C10orf143: variants seen among roughly 807,000 people sequenced by gnomAD.
C10orf143 encodes the protein uncharacterized protein C10orf143.
chr10:130,089,762 C>G (rs569126217), intron 1 of C10orf143, among the ~76,000 whole-genome samples: 101 of 152,248 alleles, frequency 6.6e-4, no homozygotes, highest in African/African-American at 2.4e-3. Flanking sequence ...TATTTATGGT[C>G]AAATGATCTT....
chr10:130,097,575 G>C (rs547794844), intron 1 of C10orf143, among the ~76,000 whole-genome samples: 10 of 152,238 alleles, frequency 6.6e-5, no homozygotes, highest in Admixed American at 6.5e-4. Context: ...ATAGAAACCA[G>C]CAATTCCAGC....
intron 1 of C10orf143, among the ~76,000 whole-genome samples, chr10:130,109,734 T>C (rs1861726763): frequency 6.6e-6 from 1 of 151,960 alleles, no homozygotes. Flanking sequence ...AGGAAAGAGA[T>C]GGTGCAGGGT....
rs564830541 is a variant in C10orf143 at position 130,104,881 on chromosome 10, A to G, written c.69+5823T>C. On this transcript the variant is annotated intron_variant, in intron 1 of 3. Coordinates refer to ENST00000637128, the MANE Select transcript of C10orf143 (RefSeq NM_001355042.2). ...ACAGCATCACACTTTTCATCATTTT[A>G]TGATAGCCAATTTAGGACTTCATTG... 3.9e-5 allele frequency: 6 copies of G among 152,234 alleles called. No homozygotes were observed. In the East Asian group the frequency reaches 1.2e-3, roughly 29 times the overall value. 9.4% of individuals were successfully genotyped at this position (152,234 alleles called of 1,614,324 possible).
chr10:130,079,196 A>G (rs985771015), intron 3 of C10orf143, among the ~76,000 whole-genome samples: 4 of 152,222 alleles, frequency 2.6e-5, no homozygotes, highest in Non-Finnish European at 5.9e-5. Flanking sequence ...AAAAGCATAA[A>G]CAGGGAAAAG....
In C10orf143 at chr10:130,068,831, T is replaced by C. The variant is rs115372489; in HGVS notation, c.298-4448A>G. On this transcript the variant is annotated intron_variant, in intron 3 of 3. Coordinates refer to ENST00000637128, the MANE Select transcript of C10orf143 (RefSeq NM_001355042.2). ...AAAGAACTAGTGAACACAAAATCAA[T>C]TGAGATTATCCAGTTTGAGGAACAG... Among the ~76,000 whole-genome samples the C allele has an allele frequency of 3.3e-3, 496 of 151,298 alleles. 6 individuals carry two copies. Among genetic ancestry groups the C allele is most frequent in the African/African-American group, 0.011 (471 of 41,206 alleles).
intron 1 of C10orf143, chr10:130,107,485 TCAC>T: frequency 7.1e-7 from 1 of 1,415,790 alleles, no homozygotes; most frequent in East Asian, 2.3e-5. Context: ...AAGAAAATGC[TCAC>T]AACAGACAAA....
At chr10:130,067,425 C>A (rs1860954917) in intron 3 of C10orf143, 1 of 152,214 alleles carries the variant, frequency 6.6e-6, no homozygotes, top group African/African-American at 2.4e-5. Context: ...CACCCCACAT[C>A]TCCTTCCCTT....
At chr10:130,095,576 A>G (rs1861449649) in intron 1 of C10orf143, among the ~76,000 whole-genome samples, 1 of 152,236 alleles carries the variant, frequency 6.6e-6, no homozygotes. Flanking sequence ...ACAGCATGGT[A>G]CTGGTACCAA....
intron 1 of C10orf143, among the ~76,000 whole-genome samples, chr10:130,100,600 T>C (rs1351626083): frequency 1.3e-5 from 2 of 152,174 alleles, no homozygotes; most frequent in Non-Finnish European, 2.9e-5. Context: ...TAACTGTATA[T>C]GTACAAAATA....
intron 3 of C10orf143, among the ~76,000 whole-genome samples, chr10:130,045,526 G>C (rs1860657532): frequency 6.6e-6 from 1 of 152,166 alleles, no homozygotes; most frequent in African/African-American, 2.4e-5. Context: ...CGCCCCCCGC[G>C]AGCGCCACGC....
At chr10:130,039,660 G>A (rs1373446800) in intron 3 of C10orf143, among the ~76,000 whole-genome samples, 1 of 151,762 alleles carries the variant, frequency 6.6e-6, no homozygotes, top group Non-Finnish European at 1.5e-5. Flanking sequence ...CAGCCAAGTG[G>A]ACCCATAAAA....
At chr10:130,099,628 G>A (rs904323953) in intron 1 of C10orf143, among the ~76,000 whole-genome samples, 1 of 151,216 alleles carries the variant, frequency 6.6e-6, no homozygotes. Flanking sequence ...CCTCTGCCTC[G>A]TGGGTTTAAG....
intron 1 of C10orf143, among the ~76,000 whole-genome samples, chr10:130,089,973 A>G (rs1861353915): frequency 6.6e-6 from 1 of 152,258 alleles, no homozygotes; most frequent in Non-Finnish European, 1.5e-5. Flanking sequence ...ATAGGGAAAA[A>G]AAATCCTTAT....
intron 1 of C10orf143, among the ~76,000 whole-genome samples, chr10:130,088,199 A>G (rs1251019080): frequency 1.3e-5 from 2 of 152,150 alleles, no homozygotes; most frequent in Admixed American, 6.5e-5. Context: ...CCTGGCCAAC[A>G]TGGTGAAATT....
chr10:130,058,595 T>TC (rs1554945702), intron 3 of C10orf143, among the ~76,000 whole-genome samples: 25 of 151,396 alleles, frequency 1.7e-4, no homozygotes, highest in East Asian at 5.8e-4. Context: ...TTTTTTTTTT[T>TC]CAGAAATGAT....
intron 1 of C10orf143, chr10:130,106,604 G>GT (rs1861652497): frequency 6.9e-7 from 1 of 1,455,786 alleles, no homozygotes; most frequent in African/African-American, 1.4e-5. Flanking sequence ...CAAATCACAA[G>GT]TAGCTGAAGC....
downstream of C10orf143, among the ~76,000 whole-genome samples, chr10:130,061,029 T>C (rs1432924681): frequency 6.6e-6 from 1 of 151,752 alleles, no homozygotes; most frequent in African/African-American, 2.4e-5. Context: ...TCCCAGCTGC[T>C]CAGGATGCTG....
Position 130,090,501 on chromosome 10 carries a change from C to T in C10orf143, c.70-10600G>A, listed in dbSNP as rs548605201. Among the ~76,000 whole-genome samples, 823 of 152,268 alleles carry T rather than the reference C, an allele frequency of 5.4e-3. 9 individuals carry two copies. The highest frequency in any genetic ancestry group is 0.018 in the African/African-American group (766 of 41,532). ...AACTGGGCGGCCATTTGGGCAGACACCAAGCTAACTGCAGGAGTTTTTTTT... is the reference window on the plus strand; with the variant it reads ...AACTGGGCGGCCATTTGGGCAGACATCAAGCTAACTGCAGGAGTTTTTTTT... On this transcript the variant is annotated intron_variant, in intron 1 of 3. Transcript: ENST00000637128.
intron 3 of C10orf143, among the ~76,000 whole-genome samples, chr10:130,052,460 G>C (rs1749345): frequency 0.74 from 112,136 of 151,966 alleles, 42,188 homozygotes; most frequent in Admixed American, 0.81. Flanking sequence ...GCATCCCCGG[G>C]ATAGTTACTG....
Sources: gnomAD v4.1 joint callset for allele counts (sites outside exome capture counted in the v4.1 genomes callset) on GRCh38, gnomAD v4.1.1 for gene constraint, MANE v1.5 for transcripts, NCBI Gene and HGNC (gene_info 2026-07-23, HGNC 2026-07-21) for gene names.